The following ALK variants were observed in gnomAD, a reference collection of about 807,000 sequenced individuals.
ALK encodes the protein ALK receptor tyrosine kinase, also known as ALK tyrosine kinase receptor.
Under a neutral mutation model 163.1 loss-of-function variants are expected in ALK, and 74 were observed. The observed-to-expected ratio is 0.45, with a 90% CI of 0.38 to 0.55. ALK has a LOEUF of 0.55. Ranked by LOEUF, ALK falls within the 20% of genes least tolerant of loss-of-function variation. The pLI, the probability that ALK is intolerant of heterozygous loss-of-function variation, is 0.00. For missense variants in ALK, 2,063 were observed against 2,105.3 expected (o/e 0.98, Z 0.39); for synonymous variants, 960 against 843.2 (o/e 1.14, Z -2.40).
chr2:29,562,873 C>T (rs571404906), intron 3 of ALK, among the ~76,000 whole-genome samples: 10 of 152,254 alleles, frequency 6.6e-5, no homozygotes, highest in African/African-American at 1.4e-4. Context: ...TTAACAGATT[C>T]GAAAGGATTG....
intron 1 of ALK, among the ~76,000 whole-genome samples, chr2:29,801,175 A>G (rs1358514438): frequency 6.6e-6 from 1 of 152,242 alleles, no homozygotes; most frequent in African/African-American, 2.4e-5. Flanking sequence ...GCTATGCATA[A>G]TAACTAGCAG....
At chr2:29,238,877 C>T (rs191930671) in intron 13 of ALK, among the ~76,000 whole-genome samples, 4 of 152,176 alleles carry the variant, frequency 2.6e-5, no homozygotes, top group East Asian at 3.8e-4. Context: ...AAAAAAGACG[C>T]GGTCCCGTGA....
At chr2:29,904,150 G>GTT (rs558751132) in intron 1 of ALK, among the ~76,000 whole-genome samples, 1 of 151,946 alleles carries the variant, frequency 6.6e-6, no homozygotes, top group African/African-American at 2.4e-5. Flanking sequence ...TTGAAATAGG[G>GTT]TTTTTTTCTG....
chr2:29,425,230 T>A (rs778217537), intron 4 of ALK, among the ~76,000 whole-genome samples: 15 of 152,224 alleles, frequency 9.9e-5, no homozygotes, highest in Non-Finnish European at 1.8e-4. Flanking sequence ...ATTGGGACCA[T>A]GACCTGCTCT....
chr2:29,342,515 T>C (rs981015272), intron 5 of ALK, among the ~76,000 whole-genome samples: 2 of 152,240 alleles, frequency 1.3e-5, no homozygotes, highest in African/African-American at 2.4e-5. Context: ...TGAAAATTGG[T>C]TGCACAGTAA....
chr2:29,542,701 TCTTTAA>T (rs1372522365), intron 3 of ALK, among the ~76,000 whole-genome samples: 1 of 152,202 alleles, frequency 6.6e-6, no homozygotes. Flanking sequence ...TTGGGATCTT[TCTTTAA>T]CTTTAAAGTT....
intron 1 of ALK, among the ~76,000 whole-genome samples, chr2:29,877,241 G>C (rs1459871275): frequency 1.3e-5 from 2 of 152,112 alleles, no homozygotes; most frequent in Non-Finnish European, 2.9e-5. Flanking sequence ...CAGACTTTTT[G>C]TACTTGCTGT....
intron 5 of ALK, among the ~76,000 whole-genome samples, chr2:29,349,639 C>T (rs902532193): frequency 3.3e-5 from 5 of 152,292 alleles, no homozygotes; most frequent in South Asian, 4.2e-4. Context: ...AAAGGCCTCC[C>T]CTTTCATTAT....
chr2:29,195,109 C>T (rs1255307808), intron 28 of ALK, among the ~76,000 whole-genome samples: 2 of 152,012 alleles, frequency 1.3e-5, no homozygotes, highest in Admixed American at 6.5e-5. Context: ...TCTTTAGTTC[C>T]CTCTGTGTTT....
chr2:29,619,754 A>G (rs1299147023), intron 3 of ALK, among the ~76,000 whole-genome samples: 1 of 151,944 alleles, frequency 6.6e-6, no homozygotes, highest in Admixed American at 6.6e-5. Flanking sequence ...TATATTTAAA[A>G]CCCCTCCTGG....
chr2:29,439,448 G>A (rs6715932), intron 4 of ALK, among the ~76,000 whole-genome samples: 2,048 of 152,224 alleles, frequency 0.013, 28 homozygotes, highest in Middle Eastern at 0.088. Context: ...AATTCAATGC[G>A]ATGGAAGGTG....
chr2:29,542,363 T>C (rs936667171), intron 3 of ALK, among the ~76,000 whole-genome samples: 9 of 152,224 alleles, frequency 5.9e-5, no homozygotes, highest in African/African-American at 2.2e-4. Context: ...CCTCTTTTAA[T>C]TTGTATCAGT....
intron 1 of ALK, among the ~76,000 whole-genome samples, chr2:29,770,143 G>T (rs1284240488): frequency 6.6e-6 from 1 of 152,202 alleles, no homozygotes; most frequent in Non-Finnish European, 1.5e-5. Context: ...GGGACACCAG[G>T]CACAGTTAGA....
At chr2:29,603,166 G>T (rs1675425494) in intron 3 of ALK, among the ~76,000 whole-genome samples, 2 of 152,230 alleles carry the variant, frequency 1.3e-5, no homozygotes, top group Admixed American at 6.5e-5. Context: ...TGAAGATGAA[G>T]TCTCATAGGT....
At chr2:29,544,089 G>T (rs1440414516) in intron 3 of ALK, among the ~76,000 whole-genome samples, 2 of 152,190 alleles carry the variant, frequency 1.3e-5, no homozygotes, top group African/African-American at 4.8e-5. Flanking sequence ...TACTCTTTCA[G>T]TTGATCACAA....
intron 3 of ALK, among the ~76,000 whole-genome samples, chr2:29,593,861 GC>G (rs1447430421): frequency 2.0e-5 from 3 of 152,220 alleles, no homozygotes; most frequent in African/African-American, 7.2e-5. Context: ...GACAGTACCA[GC>G]TTTTAAAGTT....
intron 1 of ALK, among the ~76,000 whole-genome samples, chr2:29,759,705 T>C (rs1680645397): frequency 6.6e-6 from 1 of 152,218 alleles, no homozygotes; most frequent in South Asian, 2.1e-4. Flanking sequence ...TTGCATGATC[T>C]TGTGAAATTT....
At chr2:29,666,682 T>G (rs1037279018) in intron 3 of ALK, among the ~76,000 whole-genome samples, 3 of 152,148 alleles carry the variant, frequency 2.0e-5, no homozygotes, top group Non-Finnish European at 4.4e-5. Flanking sequence ...TAACTAGCCA[T>G]GTGACTTTAA....
Position 29,344,932 on chromosome 2 carries a change from T to A in ALK, c.1283-16451A>T, listed in dbSNP as rs62130648. 2.0e-3 allele frequency among the ~76,000 whole-genome samples: 306 copies of A among 152,328 alleles called. 1 individual carries two copies. Among genetic ancestry groups the A allele is most frequent in the Non-Finnish European group, 3.6e-3 (243 of 68,026 alleles). Reference sequence around the variant, plus strand: ...GATGCCATGCTCAGGGAATAGTGACTTGTCTGTGTGACTTTAGTATGAGCT... The same window carrying A: ...GATGCCATGCTCAGGGAATAGTGACATGTCTGTGTGACTTTAGTATGAGCT... On this transcript the variant is annotated intron_variant, in intron 5 of 28. Coordinates refer to ENST00000389048, the MANE Select transcript of ALK (RefSeq NM_004304.5).
Sources: allele counts gnomAD v4.1 joint callset (sites outside exome capture counted in the v4.1 genomes callset), GRCh38; gene constraint gnomAD v4.1.1; transcripts MANE v1.5; gene names NCBI Gene and HGNC (gene_info 2026-07-23, HGNC 2026-07-21).